PDE2A: variants seen among roughly 807,000 people sequenced by gnomAD.
PDE2A encodes cGMP-dependent 3',5'-cyclic phosphodiesterase.
In PDE2A, 53 loss-of-function variants were observed where a neutral mutation model predicts 133.6. The observed-to-expected ratio is 0.40, with a 90% confidence interval of 0.32 to 0.50. The LOEUF (loss-of-function observed/expected upper bound fraction) is 0.50. Among genes scored for constraint, PDE2A ranks in the 20% least tolerant of loss-of-function variants. The probability of loss-of-function intolerance (pLI) is 0.73; values close to 1 mark genes in which losing one functional copy is unlikely to be tolerated. For synonymous variants in PDE2A, 491 were observed against 490.2 expected, an observed-to-expected ratio of 1.00 and a Z score of -0.02; for missense variants, 796 against 1,232.4, an observed-to-expected ratio of 0.65 and a Z score of 5.30.
Position 72,584,234 on chromosome 11 carries a change from G to T in PDE2A, c.1617C>A (p.Ala539=). 1 of 1,595,536 alleles carries T rather than the reference G, an allele frequency of 6.3e-7. No homozygotes were observed. The highest frequency in any genetic ancestry group is 8.6e-7 in the Non-Finnish European group (1 of 1,168,414). The stretch of plus-strand genomic sequence containing the variant: ...TGCTGATGCCGCAGTAGATGGAGAA[G>T]GCCGTCGCCAGGTCCTCGTCGAACT... ...FSKFDEDLAT[A]FSIYCGISIA... The change falls in exon 19 of 31, where the codon GCC becomes GCA. Residue 539 remains alanine, a synonymous_variant. Coordinates refer to ENST00000334456, the MANE Select transcript of PDE2A (RefSeq NM_002599.5).
intron 1 of PDE2A, among the ~76,000 whole-genome samples, chr11:72,667,337 G>C (rs1284591901): frequency 6.6e-6 from 1 of 152,132 alleles, no homozygotes; most frequent in Non-Finnish European, 1.5e-5. Flanking sequence ...CAACTGCAAT[G>C]TCATTCTAGA....
chr11:72,624,960 C>T (rs1247716980), intron 2 of PDE2A, among the ~76,000 whole-genome samples: 4 of 152,250 alleles, frequency 2.6e-5, no homozygotes, highest in Non-Finnish European at 5.9e-5. Context: ...TTGGCATCAC[C>T]CTGGGTCCCA....
intron 2 of PDE2A, among the ~76,000 whole-genome samples, chr11:72,631,956 T>G (rs1276346714): frequency 6.6e-6 from 1 of 151,726 alleles, no homozygotes; most frequent in African/African-American, 2.4e-5. Context: ...TCCCGTCAGC[T>G]GCTGGCCGCC....
intron 1 of PDE2A, chr11:72,668,555 C>T: frequency 1.5e-6 from 1 of 689,276 alleles, no homozygotes; most frequent in South Asian, 1.5e-5. Flanking sequence ...CACCTTTGGG[C>T]TCCACACAGC....
chr11:72,654,403 C>G (rs979956847), intron 1 of PDE2A, among the ~76,000 whole-genome samples: 1 of 152,190 alleles, frequency 6.6e-6, no homozygotes, highest in Non-Finnish European at 1.5e-5. Flanking sequence ...GGGCTCAATC[C>G]CAGCTCTCTT....
chr11:72,631,675 A>T (rs1858391571), intron 2 of PDE2A, among the ~76,000 whole-genome samples: 1 of 151,064 alleles, frequency 6.6e-6, no homozygotes, highest in African/African-American at 2.4e-5. Context: ...CTGGACTGGG[A>T]TCAGACCCCC....
intron 2 of PDE2A, chr11:72,636,047 G>A (rs1019622099): frequency 1.6e-4 from 207 of 1,275,174 alleles, no homozygotes; most frequent in Admixed American, 2.8e-4. Flanking sequence ...GGCAACCGTG[G>A]ATGGGAGGCA....
At position 72,674,241 on chromosome 11, in the gene PDE2A, A is replaced by G. The variant is rs923295470; in HGVS notation, c.-34T>C. On this transcript the variant is annotated 5_prime_UTR_variant, in exon 1 of 31. Transcript: ENST00000334456. ...ATCGTCCGCCTCCCCAGCCAGACTA[A>G]GGTGGCACCTCGCCCTGTCCCCGCT... 6.3e-7 allele frequency: 1 copy of G among 1,593,416 alleles called. No homozygotes were observed. The highest frequency in any genetic ancestry group is 8.5e-7 in the Non-Finnish European group (1 of 1,173,080).
At chr11:72,600,547 C>T (rs922718852) in intron 4 of PDE2A, among the ~76,000 whole-genome samples, 1 of 152,156 alleles carries the variant, frequency 6.6e-6, no homozygotes, top group South Asian at 2.1e-4. Context: ...CTGAAGTCTC[C>T]AAAGATGCCC....
chr11:72,656,166 G>T (rs563593667), intron 1 of PDE2A, among the ~76,000 whole-genome samples: 2 of 152,332 alleles, frequency 1.3e-5, no homozygotes, highest in East Asian at 3.9e-4. Flanking sequence ...CCACGAGGGG[G>T]GCCATGTAGA....
chr11:72,639,708 G>T (rs1858869086), intron 2 of PDE2A, among the ~76,000 whole-genome samples: 1 of 152,150 alleles, frequency 6.6e-6, no homozygotes, highest in Non-Finnish European at 1.5e-5. Flanking sequence ...CCGCCCGCCT[G>T]TCCAGCGCCT....
intron 25 of PDE2A, chr11:72,579,915 A>G (rs1855642565): frequency 2.7e-6 from 1 of 375,440 alleles, no homozygotes; most frequent in African/African-American, 2.0e-5. Context: ...GGAGTCCTAG[A>G]CACCAAATCA....
rs768717055 is a variant in PDE2A, at chr11:72,585,351, C to T, written c.1286+20G>A. 1 of 1,608,818 alleles carries T rather than the reference C, an allele frequency of 6.2e-7. No individual in the cohort carries two copies. Among genetic ancestry groups the T allele is most frequent in the Non-Finnish European group, 8.5e-7 (1 of 1,175,544 alleles). ...AGGCCACAGCCTCTCTCGCCCTGTC[C>T]CCTGGGTAGAGTCACTCACATCTCT... On this transcript the variant is annotated intron_variant, in intron 16 of 30. Coordinates refer to ENST00000334456, the MANE Select transcript of PDE2A (RefSeq NM_002599.5).
rs61139682 is a variant in PDE2A at position 72,630,695 on chromosome 11, C to T, written c.144+11559G>A. ...GATGGGGGAAACTGAAAGCAAGCAG[C>T]CAGTGAGTGGCCCAGGGGAGAGTTG... On this transcript the variant is annotated intron_variant, in intron 2 of 30. Transcript: ENST00000334456. 6.3e-3 allele frequency among the ~76,000 whole-genome samples: 965 copies of T among 151,974 alleles called. 13 individuals are homozygous for T. The highest frequency in any genetic ancestry group is 0.022 in the African/African-American group (921 of 41,406).
chr11:72,632,813 C>T (rs966731870), intron 2 of PDE2A, among the ~76,000 whole-genome samples: 1 of 152,040 alleles, frequency 6.6e-6, no homozygotes, highest in Non-Finnish European at 1.5e-5. Context: ...GGTTCCCTCC[C>T]CCCAGCAGAG....
At chr11:72,584,424 G>C (rs1385798432) in intron 18 of PDE2A, 111 bp from the exon 19 acceptor site, 1 of 1,281,822 alleles carries the variant, frequency 7.8e-7, no homozygotes, top group Non-Finnish European at 1.1e-6. Flanking sequence ...TACGTCCCAG[G>C]CATGGAACCC....
chr11:72,672,625 C>G (rs912903840), intron 1 of PDE2A, among the ~76,000 whole-genome samples: 3 of 152,166 alleles, frequency 2.0e-5, no homozygotes, highest in Admixed American at 6.5e-5. Flanking sequence ...GCCTGCCCCC[C>G]ACTCTATACA....
At position 72,578,503 on chromosome 11, in the gene PDE2A, G is replaced by A. The variant is rs768103720; in HGVS notation, c.2481C>T (p.Tyr827=). 1 of 1,613,158 alleles carries A rather than the reference G, an allele frequency of 6.2e-7. No individual in the cohort carries two copies. Among genetic ancestry groups the A allele is most frequent in the Non-Finnish European group, 8.5e-7 (1 of 1,179,112 alleles). Residue 827 remains tyrosine, a synonymous_variant, in exon 29 of 31, where the codon TAC becomes TAT. Transcript: ENST00000334456. This position sits in a 1 kb window ranked among gnomAD's most constrained non-coding sequence, Gnocchi z 4.2. ...GGTCTCCCTGGGAGAAGAATTCTTTGTAGATCAGCTCCTGAAAGGCCAACA... is the reference window on the plus strand; with the variant it reads ...GGTCTCCCTGGGAGAAGAATTCTTTATAGATCAGCTCCTGAAAGGCCAACA... The part of the protein sequence containing the change: ...KTTRKIAELI[Y]KEFFSQGDLE...
intron 4 of PDE2A, chr11:72,598,372 G>T: frequency 2.0e-6 from 1 of 494,846 alleles, no homozygotes; most frequent in South Asian, 1.7e-5. Flanking sequence ...TGAGTGGCAG[G>T]GTATGACAGT....
Sources: allele counts gnomAD v4.1 joint callset (sites outside exome capture counted in the v4.1 genomes callset), GRCh38; gene constraint gnomAD v4.1.1; non-coding constraint Gnocchi (gnomAD v3.1); transcripts MANE v1.5; gene names NCBI Gene and HGNC (gene_info 2026-07-23, HGNC 2026-07-21).